The following GPC5 variants were observed in gnomAD, a reference collection of about 807,000 sequenced individuals.
The protein encoded by GPC5 is glypican-5.
Under a neutral mutation model 53.9 loss-of-function variants are expected in GPC5, and 47 were observed. That is an observed-to-expected ratio of 0.87 (90% CI 0.69 to 1.11). The LOEUF is 1.11. Ranked by LOEUF, GPC5 falls within the 50% of genes most tolerant of loss-of-function variation. GPC5 has a pLI of 0.00. For synonymous variants in GPC5, 286 were observed against 263.3 expected (o/e 1.09, Z -0.84); for missense variants, 748 against 713.1 (o/e 1.05, Z -0.56).
intron 7 of GPC5, among the ~76,000 whole-genome samples, chr13:92,694,039 C>A (rs1472861233): frequency 6.6e-6 from 1 of 152,186 alleles, no homozygotes; most frequent in Admixed American, 6.5e-5. Context: ...CCAGGTGCAA[C>A]TGGGGCTGTT....
chr13:91,933,778 G>A lies in GPC5; in HGVS notation c.1401+25721G>A, dbSNP rs146017482. Among the ~76,000 whole-genome samples, 677 of 152,008 alleles carry A rather than the reference G, an allele frequency of 4.5e-3. 11 individuals are homozygous for A. The highest frequency in any genetic ancestry group is 0.016 in the African/African-American group (650 of 41,512). Reference sequence around the variant, plus strand: ...TTGTAGTTAGAAGTCATTCCCATTGGAATGTAAGTTCTCTGAAGACTGACA... The same window carrying A: ...TTGTAGTTAGAAGTCATTCCCATTGAAATGTAAGTTCTCTGAAGACTGACA... On this transcript the variant is annotated intron_variant, in intron 6 of 7. Coordinates refer to ENST00000377067, the MANE Select transcript of GPC5 (RefSeq NM_004466.6).
At chr13:92,371,475 G>A (rs2043649157) in intron 7 of GPC5, among the ~76,000 whole-genome samples, 1 of 151,998 alleles carries the variant, frequency 6.6e-6, no homozygotes, top group Non-Finnish European at 1.5e-5. Context: ...CAAAAATAGG[G>A]GTGTATTAGT....
chr13:91,904,076 G>T (rs923574882), intron 5 of GPC5, among the ~76,000 whole-genome samples: 2 of 150,662 alleles, frequency 1.3e-5, no homozygotes, highest in African/African-American at 4.9e-5. Context: ...TGTTTAGCTG[G>T]TTACATGCAA....
rs193148786 is a variant in GPC5, at chr13:91,986,317, G to A, written c.1401+78260G>A. Among the ~76,000 whole-genome samples, 24 of 151,766 alleles carry A rather than the reference G, an allele frequency of 1.6e-4. No individual in the cohort carries two copies. In the East Asian group the frequency reaches 4.3e-3, roughly 27 times the overall value. ...CCTAACCTCGTGATCCACCCGCCTCGGCCTCCCAAAGTGCTGGGATTACAG... is the reference window on the plus strand; with the variant it reads ...CCTAACCTCGTGATCCACCCGCCTCAGCCTCCCAAAGTGCTGGGATTACAG... On this transcript the variant is annotated intron_variant, in intron 6 of 7. Transcript: ENST00000377067.
At chr13:91,641,522 C>T (rs1407309666) in intron 2 of GPC5, among the ~76,000 whole-genome samples, 1 of 152,180 alleles carries the variant, frequency 6.6e-6, no homozygotes, top group Non-Finnish European at 1.5e-5. Flanking sequence ...GGGCTTGATA[C>T]CTACATGATG....
At chr13:92,741,790 A>T (rs937161334) in intron 7 of GPC5, among the ~76,000 whole-genome samples, 10 of 151,740 alleles carry the variant, frequency 6.6e-5, no homozygotes, top group South Asian at 2.1e-4. Flanking sequence ...CCTGTGTCCA[A>T]GTGTTCTCAT....
intron 7 of GPC5, among the ~76,000 whole-genome samples, chr13:92,608,665 C>T (rs1884334472): frequency 6.6e-6 from 1 of 152,146 alleles, no homozygotes; most frequent in South Asian, 2.1e-4. Flanking sequence ...GAAAAGCATT[C>T]ACCTATCCCT....
chr13:91,461,332 G>A (rs936807446), intron 2 of GPC5, among the ~76,000 whole-genome samples: 1 of 152,102 alleles, frequency 6.6e-6, no homozygotes, highest in Non-Finnish European at 1.5e-5. Flanking sequence ...AACAAACATT[G>A]GTCTTTGGTG....
intron 7 of GPC5, among the ~76,000 whole-genome samples, chr13:92,230,203 C>T (rs1346799550): frequency 6.6e-6 from 1 of 152,132 alleles, no homozygotes; most frequent in Non-Finnish European, 1.5e-5. Flanking sequence ...TTACTCTTAT[C>T]TACAAAGCCA....
intron 7 of GPC5, among the ~76,000 whole-genome samples, chr13:92,596,834 T>C (rs559831346): frequency 1.0e-3 from 156 of 152,274 alleles, no homozygotes; most frequent in African/African-American, 3.7e-3. Flanking sequence ...AACAGGCTCC[T>C]TATGAATTCT....
At position 92,802,546 on chromosome 13, in the gene GPC5, C is replaced by T. The variant is rs148640583; in HGVS notation, c.1562-63736C>T. On this transcript the variant is annotated intron_variant, in intron 7 of 7. Transcript: ENST00000377067. ...CACAACAGCAAAGACTTGGAACCAA[C>T]CCAAATGTCCAACAATGATAGACTG... 3.4e-3 allele frequency among the ~76,000 whole-genome samples: 511 copies of T among 151,996 alleles called. 3 individuals carry two copies. The highest frequency in any genetic ancestry group is 0.012 in the African/African-American group (488 of 41,504).
intron 7 of GPC5, among the ~76,000 whole-genome samples, chr13:92,307,414 A>T (rs183531992): frequency 6.6e-6 from 1 of 152,340 alleles, no homozygotes; most frequent in Admixed American, 6.5e-5. Context: ...AGATCGTGCC[A>T]TGGCACTCCA....
chr13:92,009,565 CA>C (rs1008994002), intron 6 of GPC5, among the ~76,000 whole-genome samples: 3 of 152,154 alleles, frequency 2.0e-5, no homozygotes, highest in Non-Finnish European at 2.9e-5. Flanking sequence ...TTTTATCTTA[CA>C]CATATGCAGC....
At position 92,520,482 on chromosome 13, in the gene GPC5, A is replaced by G. The variant is rs1880996996; in HGVS notation, c.1562-345800A>G. Among the ~76,000 whole-genome samples the G allele has an allele frequency of 2.0e-5, 3 of 152,290 alleles. 1 individual carries two copies. In the South Asian group the frequency reaches 6.2e-4, roughly 32 times the overall value. On this transcript the variant is annotated intron_variant, in intron 7 of 7. Transcript: ENST00000377067. ...GATGCAAGCTGCTTCAACATACACA[A>G]ATCAATAAACATAATCCAGCATATA...
intron 2 of GPC5, among the ~76,000 whole-genome samples, chr13:91,675,843 A>G (rs1376618720): frequency 6.6e-6 from 1 of 152,212 alleles, no homozygotes; most frequent in Non-Finnish European, 1.5e-5. Flanking sequence ...CGGGAGATGA[A>G]AGAGTGGAGG....
intron 6 of GPC5, among the ~76,000 whole-genome samples, chr13:92,122,420 A>G (rs1458920912): frequency 6.6e-6 from 1 of 151,852 alleles, no homozygotes; most frequent in East Asian, 1.9e-4. Flanking sequence ...AGGTGTGAAC[A>G]CGTAGCTCCG....
chr13:92,701,432 A>G (rs981173037), intron 7 of GPC5: 1 of 152,106 alleles, frequency 6.6e-6, no homozygotes, highest in Non-Finnish European at 1.5e-5. Flanking sequence ...CAAAATCCAG[A>G]TATTATGTGG....
At chr13:92,054,540 G>A (rs1007145830) in intron 6 of GPC5, among the ~76,000 whole-genome samples, 1 of 152,108 alleles carries the variant, frequency 6.6e-6, no homozygotes, top group African/African-American at 2.4e-5. Flanking sequence ...TGAATAAAAT[G>A]AAGCTTACAG....
intron 7 of GPC5, among the ~76,000 whole-genome samples, chr13:92,369,052 G>A (rs571381869): frequency 8.5e-5 from 13 of 152,180 alleles, no homozygotes; most frequent in East Asian, 5.8e-4. Context: ...AAAGAAATTC[G>A]TTCACAATAA....
Sources: allele counts gnomAD v4.1 joint callset (sites outside exome capture counted in the v4.1 genomes callset), GRCh38; gene constraint gnomAD v4.1.1; transcripts MANE v1.5; gene names NCBI Gene and HGNC (gene_info 2026-07-23, HGNC 2026-07-21).